Variants in SHLD1 observed in about 807,000 individuals in gnomAD.
SHLD1 encodes shieldin complex subunit 1.
In SHLD1, 3 loss-of-function variants were observed where a neutral mutation model predicts 5.5. That is an observed-to-expected ratio of 0.54 (90% CI 0.25 to 1.40). The LOEUF (loss-of-function observed/expected upper bound fraction) is 1.40, where lower values mean the gene tolerates loss of function less well. Among genes scored for constraint, SHLD1 ranks in the 40% most tolerant of loss-of-function variants. The probability of loss-of-function intolerance (pLI) is 0.15; values close to 1 mark genes in which losing one functional copy is unlikely to be tolerated. For synonymous variants in SHLD1, 92 were observed against 94.3 expected (o/e 0.98, Z 0.14); for missense variants, 210 against 244.4 (o/e 0.86, Z 0.94).
At chr20:5,784,552 G>T (rs1237733386) in intron 2 of SHLD1, among the ~76,000 whole-genome samples, 1 of 151,922 alleles carries the variant, frequency 6.6e-6, no homozygotes, top group Non-Finnish European at 1.5e-5. Context: ...CCGGGTTCAC[G>T]CCATTCTCCT....
intron 1 of SHLD1, among the ~76,000 whole-genome samples, chr20:5,768,857 A>G (rs1984989463): frequency 6.6e-6 from 1 of 150,716 alleles, no homozygotes; most frequent in South Asian, 2.1e-4. Context: ...GAAGGCGGCT[A>G]TGCTCACCAC....
chr20:5,769,986 A>T (rs980884911), intron 1 of SHLD1, among the ~76,000 whole-genome samples: 5 of 150,330 alleles, frequency 3.3e-5, no homozygotes, highest in African/African-American at 9.8e-5. Context: ...CCTGGGCAAC[A>T]AGAGTGAAAC....
intron 2 of SHLD1, among the ~76,000 whole-genome samples, chr20:5,795,410 A>G (rs1212719073): frequency 1.3e-5 from 2 of 152,106 alleles, no homozygotes; most frequent in South Asian, 2.1e-4. Flanking sequence ...TAGCCTGGCC[A>G]ATATGGCAAA....
At position 5,810,596 on chromosome 20, in the gene SHLD1, T is replaced by C. The variant is rs539390189; in HGVS notation, c.178+37553T>C. ...TGATTCTTTCTATTTCCCCTACCAA[T>C]AGACGTATTTCTGTAGGCCTGGCAT... On this transcript the variant is annotated intron_variant, in intron 2 of 2. Coordinates refer to ENST00000303142, the MANE Select transcript of SHLD1 (RefSeq NM_152504.4). Among the ~76,000 whole-genome samples, 11 of 152,132 alleles carry C rather than the reference T, an allele frequency of 7.2e-5. 1 individual carries two copies. The highest frequency in any genetic ancestry group is 4.1e-4 in the South Asian group (2 of 4,822).
intron 2 of SHLD1, among the ~76,000 whole-genome samples, chr20:5,850,660 G>A (rs1428854901): frequency 6.6e-6 from 1 of 151,940 alleles, no homozygotes; most frequent in Non-Finnish European, 1.5e-5. Flanking sequence ...ACAGGTGTGT[G>A]CCACCACACC....
At chr20:5,832,017 G>T (rs2087734053) in intron 2 of SHLD1, among the ~76,000 whole-genome samples, 1 of 152,156 alleles carries the variant, frequency 6.6e-6, no homozygotes, top group East Asian at 1.9e-4. Context: ...CAGCTGTCTT[G>T]GCAACCTCCG....
chr20:5,849,952 C>T (rs1269828648), intron 2 of SHLD1, among the ~76,000 whole-genome samples: 4 of 118,698 alleles, frequency 3.4e-5, no homozygotes, highest in Non-Finnish European at 6.4e-5. Context: ...GGCGACAGAG[C>T]GAGACTCCGT....
At chr20:5,807,502 C>T (rs1372872671) in intron 2 of SHLD1, among the ~76,000 whole-genome samples, 1 of 152,088 alleles carries the variant, frequency 6.6e-6, no homozygotes, top group Non-Finnish European at 1.5e-5. Flanking sequence ...TCCTGTGTAG[C>T]TGGGACTACA....
At chr20:5,809,387 C>A (rs1344442975) in intron 2 of SHLD1, among the ~76,000 whole-genome samples, 3 of 151,978 alleles carry the variant, frequency 2.0e-5, no homozygotes, top group Non-Finnish European at 4.4e-5. Flanking sequence ...CCTCATTTCC[C>A]CTTATGTCAC....
intron 1 of SHLD1, among the ~76,000 whole-genome samples, chr20:5,770,495 A>G (rs528796785): frequency 6.6e-6 from 1 of 152,214 alleles, no homozygotes; most frequent in Non-Finnish European, 1.5e-5. Context: ...ATGTCCTTCT[A>G]TTTCATCAAG....
In SHLD1 at chr20:5,855,855, T is replaced by C. The variant is rs1232067474; in HGVS notation, c.179-7169T>C. The stretch of plus-strand genomic sequence containing the variant: ...AGGATATTCTTTCATCCTCATCCTT[T>C]TGAAATCAGGCTTGGCCATATGACT... On this transcript the variant is annotated intron_variant, in intron 2 of 2. Coordinates refer to ENST00000303142, the MANE Select transcript of SHLD1 (RefSeq NM_152504.4). The surrounding 1 kb of genome is among the most constrained non-coding windows in gnomAD (Gnocchi z 4.4). Among the ~76,000 whole-genome samples the C allele has an allele frequency of 6.6e-6, 1 of 152,224 alleles. No individual in the cohort carries two copies. Among genetic ancestry groups the C allele is most frequent in the African/African-American group, 2.4e-5 (1 of 41,464 alleles).
intron 2 of SHLD1, among the ~76,000 whole-genome samples, chr20:5,792,713 G>T (rs2087159083): frequency 6.8e-6 from 1 of 146,990 alleles, no homozygotes; most frequent in Admixed American, 6.9e-5. Flanking sequence ...TTGGTCTGTT[G>T]CCCAGGCTGG....
intron 2 of SHLD1, among the ~76,000 whole-genome samples, chr20:5,779,447 C>T (rs79214871): frequency 0.026 from 4,015 of 152,234 alleles, 77 homozygotes; most frequent in Non-Finnish European, 0.04. Flanking sequence ...GCTGTAGTTA[C>T]GGGTTCTCTC....
At chr20:5,775,922 G>GGTTTTTTTTTT (rs1391999872) in intron 2 of SHLD1, among the ~76,000 whole-genome samples, 5 of 63,448 alleles carry the variant, frequency 7.9e-5, no homozygotes, top group East Asian at 3.1e-4. Context: ...GTCAGCTCAG[G>GGTTTTTTTTTT]ATTTTTTTTT....
At chr20:5,812,069 C>CTTTTTTTTTT (rs1037236061) in intron 2 of SHLD1, among the ~76,000 whole-genome samples, 1 of 136,566 alleles carries the variant, frequency 7.3e-6, no homozygotes, top group Non-Finnish European at 1.6e-5. Flanking sequence ...TTTTCTTTTT[C>CTTTTTTTTTT]TTTTTTTTTT....
intron 2 of SHLD1, among the ~76,000 whole-genome samples, chr20:5,804,675 T>C (rs1282180461): frequency 6.6e-6 from 1 of 152,250 alleles, no homozygotes; most frequent in Non-Finnish European, 1.5e-5. Flanking sequence ...AGTGCCACTT[T>C]CCATTTCAGG....
chr20:5,844,737 CT>C (rs975596305), intron 2 of SHLD1, among the ~76,000 whole-genome samples: 7 of 142,790 alleles, frequency 4.9e-5, no homozygotes, highest in Non-Finnish European at 1.1e-4. Context: ...CTGGAGTTTC[CT>C]TTTGATATAA....
intron 1 of SHLD1, among the ~76,000 whole-genome samples, chr20:5,759,145 G>A (rs1388652061): frequency 2.6e-5 from 4 of 151,612 alleles, no homozygotes; most frequent in South Asian, 2.1e-4. Flanking sequence ...TAGTAGAGAC[G>A]GGGTTCCGTT....
chr20:5,840,077 G>C (rs974798131), intron 2 of SHLD1, among the ~76,000 whole-genome samples: 1 of 152,202 alleles, frequency 6.6e-6, no homozygotes, highest in Non-Finnish European at 1.5e-5. Flanking sequence ...TGCTATTTAT[G>C]AGCAAAAGTA....
Sources: allele counts gnomAD v4.1 joint callset (sites outside exome capture counted in the v4.1 genomes callset), GRCh38; gene constraint gnomAD v4.1.1; non-coding constraint Gnocchi (gnomAD v3.1); transcripts MANE v1.5; gene names NCBI Gene and HGNC (gene_info 2026-07-23, HGNC 2026-07-21).